DCC: variants seen among roughly 807,000 people sequenced by gnomAD.
The protein encoded by DCC is DCC netrin 1 receptor.
DCC carries 58 observed loss-of-function variants against 172.5 expected under a neutral mutation model. The ratio of observed to expected loss-of-function variants is 0.34; its 90% CI spans 0.27 to 0.42. The LOEUF (loss-of-function observed/expected upper bound fraction) is 0.42. Among genes scored for constraint, DCC ranks in the 10% least tolerant of loss-of-function variants. The pLI, the probability that DCC is intolerant of heterozygous loss-of-function variation, is 1.00. For synonymous variants in DCC, 709 were observed against 644.5 expected (o/e 1.10, Z -1.52); for missense variants, 1,740 against 1,791.0 (o/e 0.97, Z 0.51).
chr18:53,432,035 T>C (rs1348842475), intron 21 of DCC, among the ~76,000 whole-genome samples: 2 of 152,122 alleles, frequency 1.3e-5, no homozygotes, highest in Non-Finnish European at 2.9e-5. Flanking sequence ...ATTCAAGATT[T>C]TAAAATAAAT....
At chr18:53,360,140 A>T (rs1568081317) in intron 15 of DCC, among the ~76,000 whole-genome samples, 1 of 152,194 alleles carries the variant, frequency 6.6e-6, no homozygotes, top group East Asian at 1.9e-4. Context: ...TTCTGTAAGA[A>T]TTTTTTGTTT....
chr18:53,131,064 C>T (rs953420993), intron 7 of DCC, among the ~76,000 whole-genome samples: 5 of 151,914 alleles, frequency 3.3e-5, no homozygotes, highest in Non-Finnish European at 7.4e-5. Flanking sequence ...TAAAAGGCTG[C>T]GTTAGAAAAT....
chr18:52,524,270 T>A (rs756317363), intron 1 of DCC, among the ~76,000 whole-genome samples: 67 of 152,260 alleles, frequency 4.4e-4, no homozygotes, highest in Non-Finnish European at 7.1e-4. Context: ...CTCTCCAGCA[T>A]GCTTTTATTT....
chr18:53,472,708 T>A (rs1234588534), intron 25 of DCC, among the ~76,000 whole-genome samples: 4 of 152,166 alleles, frequency 2.6e-5, no homozygotes, highest in Non-Finnish European at 5.9e-5. Flanking sequence ...CAAGACAGCT[T>A]CCTAGCTAAG....
chr18:53,421,763 T>C (rs1340209107), intron 21 of DCC, among the ~76,000 whole-genome samples: 3 of 152,192 alleles, frequency 2.0e-5, no homozygotes, highest in Non-Finnish European at 4.4e-5. Context: ...CTAAATTATC[T>C]TTTGGTTTCT....
At position 52,833,871 on chromosome 18, in the gene DCC, C is replaced by T. The variant is rs778223790; in HGVS notation, c.413-72173C>T. ...TAGAGATAGTGGCTCGCTACATAGC[C>T]CAGGCTAGTCTTGAACTCCTGGGCT... On this transcript the variant is annotated intron_variant, in intron 2 of 28. Transcript: ENST00000442544. 1.3e-4 allele frequency among the ~76,000 whole-genome samples: 20 copies of T among 152,190 alleles called. No individual in the cohort carries two copies. In the Middle Eastern group the frequency reaches 0.014, roughly 104 times the overall value.
At chr18:53,403,933 C>T (rs1909479813) in intron 19 of DCC, among the ~76,000 whole-genome samples, 1 of 152,024 alleles carries the variant, frequency 6.6e-6, no homozygotes, top group African/African-American at 2.4e-5. Flanking sequence ...TTGCTCTTAG[C>T]ACAATAGCAA....
At position 53,178,991 on chromosome 18, in the gene DCC, G is replaced by C. The variant is rs570890336; in HGVS notation, c.1448G>C (p.Gly483Ala). ...RERALNTTQP[G>A]SLQLTVGNLK... ...CGAGCATTGAATACAACACAGCCTG[G>C]GTCCCTTCAGCTCACTGTGGGAAAC... Residue 483 changes from glycine (G) to alanine (A), a missense_variant, in exon 9 of 29, where the codon GGG becomes GCG. Gly to Ala is a moderately conservative substitution (Grantham distance 60, BLOSUM62 0). Transcript: ENST00000442544. 3 of 1,613,978 alleles carry C rather than the reference G, an allele frequency of 1.9e-6. No homozygotes were observed. In the South Asian group the frequency reaches 3.3e-5, roughly 18 times the overall value.
chr18:52,745,462 G>A (rs2145121286), intron 1 of DCC, among the ~76,000 whole-genome samples: 1 of 152,292 alleles, frequency 6.6e-6, no homozygotes, highest in East Asian at 1.9e-4. Context: ...GGTAGGTATG[G>A]GGCAGGGCCT....
intron 1 of DCC, among the ~76,000 whole-genome samples, chr18:52,746,930 A>C (rs1599069737): frequency 6.7e-6 from 1 of 150,308 alleles, no homozygotes; most frequent in Admixed American, 6.6e-5. Flanking sequence ...AAAAAGGAGG[A>C]GAAGAAAGAG....
chr18:52,887,561 CCT>C (rs1199335681), intron 2 of DCC, among the ~76,000 whole-genome samples: 3 of 151,968 alleles, frequency 2.0e-5, no homozygotes, highest in African/African-American at 7.3e-5. Context: ...GGTCACTTCC[CCT>C]CTTATTCATT....
At position 53,257,649 on chromosome 18, in the gene DCC, A is replaced by G. The variant is rs181284888; in HGVS notation, c.1911+42052A>G. On this transcript the variant is annotated intron_variant, in intron 12 of 28. Coordinates refer to ENST00000442544, the MANE Select transcript of DCC (RefSeq NM_005215.4). ...TTGAGGATTTTTGCAGATGTTCATC[A>G]GGGATATTGGTCTAGAATTCTCTTT... 8.4e-3 allele frequency among the ~76,000 whole-genome samples: 1,283 copies of G among 152,172 alleles called. 13 individuals carry two copies. The highest frequency in any genetic ancestry group is 0.024 in the Middle Eastern group (7 of 294).
At chr18:53,197,014 G>C (rs946588264) in intron 9 of DCC, among the ~76,000 whole-genome samples, 1 of 151,918 alleles carries the variant, frequency 6.6e-6, no homozygotes, top group Non-Finnish European at 1.5e-5. Flanking sequence ...ATACAGAATA[G>C]AAACAGATTT....
intron 2 of DCC, among the ~76,000 whole-genome samples, chr18:52,786,194 A>G (rs1436140180): frequency 6.6e-6 from 1 of 152,086 alleles, no homozygotes; most frequent in African/African-American, 2.4e-5. Context: ...ACAAAACTCC[A>G]GGTTATGGGC....
At chr18:53,028,342 T>C (rs1488009314) in intron 5 of DCC, among the ~76,000 whole-genome samples, 1 of 152,162 alleles carries the variant, frequency 6.6e-6, no homozygotes, top group Non-Finnish European at 1.5e-5. Flanking sequence ...TATTTAATAA[T>C]CACGTCTTTC....
rs116237519 is a variant in DCC at position 52,517,061 on chromosome 18, C to A, written c.91+176183C>A. ...AACAAACCAGTAAGAGCTCCACTGG[C>A]TTCCCTTGGCATCTTAGGACTCTAC... On this transcript the variant is annotated intron_variant, in intron 1 of 28. Transcript: ENST00000442544. Among the ~76,000 whole-genome samples, 1,243 of 152,286 alleles carry A rather than the reference C, an allele frequency of 8.2e-3. 13 individuals carry two copies. The highest frequency in any genetic ancestry group is 0.027 in the African/African-American group (1,123 of 41,564).
chr18:52,491,209 G>A (rs926704878), intron 1 of DCC, among the ~76,000 whole-genome samples: 2 of 151,988 alleles, frequency 1.3e-5, no homozygotes, highest in Non-Finnish European at 2.9e-5. Context: ...CCTGCAATAT[G>A]TTGTATGTCA....
At chr18:52,353,355 C>T (rs369379947) in intron 1 of DCC, among the ~76,000 whole-genome samples, 3 of 152,114 alleles carry the variant, frequency 2.0e-5, no homozygotes, top group Non-Finnish European at 2.9e-5. Flanking sequence ...ACTCTCTTTC[C>T]TCCTTAAAAA....
intron 5 of DCC, among the ~76,000 whole-genome samples, chr18:52,950,610 C>T (rs2040624070): frequency 6.6e-6 from 1 of 152,014 alleles, no homozygotes; most frequent in African/African-American, 2.4e-5. Context: ...TATCTTTTAC[C>T]TTATGGATAT....
Sources: allele counts gnomAD v4.1 joint callset (sites outside exome capture counted in the v4.1 genomes callset), GRCh38; gene constraint gnomAD v4.1.1; transcripts MANE v1.5; gene names NCBI Gene and HGNC (gene_info 2026-07-23, HGNC 2026-07-21).